FANCB: variants seen among roughly 807,000 people sequenced by gnomAD.
FANCB encodes FA complementation group B.
A neutral mutation model predicts 38.9 loss-of-function variants in FANCB; 5 were observed. The observed-to-expected ratio is 0.13, with a 90% CI of 0.07 to 0.27. The LOEUF (loss-of-function observed/expected upper bound fraction) is 0.27, where lower values mean the gene tolerates loss of function less well. Ranked by LOEUF, FANCB falls within the 10% of genes least tolerant of loss-of-function variation. FANCB has a pLI of 1.00. For missense variants in FANCB, 573 were observed against 602.7 expected (o/e 0.95, Z 0.52); for synonymous variants, 236 against 215.4 (o/e 1.10, Z -0.84).
the FANCB span, among the ~76,000 whole-genome samples, chrX:14,732,116 T>C: frequency 8.8e-4 from 97 of 110,694 alleles, no homozygotes; most frequent in African/African-American, 3.0e-3. Context: ...CTCCCACTTA[T>C]GAGTGAGAAC....
downstream of FANCB, chrX:14,835,038 G>C (rs1189254021): frequency 2.6e-5 from 15 of 581,043 alleles, no homozygotes; most frequent in Non-Finnish European, 4.5e-5. Flanking sequence ...CGCTGGTGGT[G>C]TTATTTCAAA....
At chrX:14,737,704 A>C in the FANCB span, among the ~76,000 whole-genome samples, 1 of 112,673 alleles carries the variant, frequency 8.9e-6, no homozygotes, top group Non-Finnish European at 1.9e-5. Flanking sequence ...AATTATTGTT[A>C]TGAATAGCAT....
chrX:14,771,374 C>G, the FANCB span, among the ~76,000 whole-genome samples: 8 of 111,230 alleles, frequency 7.2e-5, no homozygotes, highest in African/African-American at 2.6e-4. Context: ...TGTCTTATTT[C>G]AGACAGAGCA....
the FANCB span, among the ~76,000 whole-genome samples, chrX:14,759,029 C>T: frequency 1.8e-5 from 2 of 111,134 alleles, no homozygotes; most frequent in Admixed American, 9.5e-5. Context: ...AAAAAACAAT[C>T]GCAACTTCTG....
the FANCB span, among the ~76,000 whole-genome samples, chrX:14,692,461 A>G: frequency 2.7e-5 from 3 of 112,131 alleles, no homozygotes; most frequent in Non-Finnish European, 5.6e-5. Context: ...TCTATTGGTC[A>G]GTGGATGGTT....
the FANCB span, among the ~76,000 whole-genome samples, chrX:14,777,805 C>A: frequency 8.9e-6 from 1 of 112,329 alleles, no homozygotes; most frequent in Admixed American, 9.4e-5. Flanking sequence ...AGGAAACAAT[C>A]AATCACTACC....
chrX:14,808,023 A>C, the FANCB span, among the ~76,000 whole-genome samples: 1 of 111,966 alleles, frequency 8.9e-6, no homozygotes, highest in Non-Finnish European at 1.9e-5. Context: ...ACCAGGAAGA[A>C]ATCCAAAACT....
chrX:14,747,116 T>A, the FANCB span, among the ~76,000 whole-genome samples: 2 of 112,114 alleles, frequency 1.8e-5, no homozygotes, highest in East Asian at 5.6e-4. Flanking sequence ...CCTCTTTCCT[T>A]TTTCTTGGGA....
Position 14,850,672 on chromosome X carries a change from C to T in FANCB, c.1329G>A (p.Lys443=). 8.8e-7 allele frequency: 1 copy of T among 1,132,312 alleles called. No homozygotes were observed. The highest frequency in any genetic ancestry group is 1.2e-6 in the Non-Finnish European group (1 of 831,155). 93.3% of individuals were successfully genotyped at this position (1,132,312 alleles called of 1,213,427 possible). Residue 443 remains lysine (K), a splice_region_variant and synonymous_variant, in exon 7 of 10, where the codon AAG becomes AAA. Coordinates refer to ENST00000650831, the MANE Select transcript of FANCB (RefSeq NM_001018113.3). ...CACCACAAAGAGGAACAAGACATTC[C>T]TTCTAAAAAAAAAAGTTTAAATAAC... is the stretch of plus-strand genomic sequence containing the variant. ...KDDNTSSAEE[K]ECLVPLCGEE... is the part of the protein sequence containing the mutation.
chrX:14,813,322 T>G, the FANCB span, among the ~76,000 whole-genome samples: 1 of 105,568 alleles, frequency 9.5e-6, no homozygotes, highest in Non-Finnish European at 1.9e-5. Flanking sequence ...CCAGGGCAAT[T>G]AGGCAGGAGA....
the FANCB span, among the ~76,000 whole-genome samples, chrX:14,814,146 C>G: frequency 9.0e-6 from 1 of 111,420 alleles, no homozygotes; most frequent in Non-Finnish European, 1.9e-5. Flanking sequence ...AACTGGATCC[C>G]TTCCTTACAC....
At chrX:14,839,392 G>A (rs987076815), downstream of FANCB, among the ~76,000 whole-genome samples, 4 of 111,368 alleles carry the variant, frequency 3.6e-5, no homozygotes, top group Non-Finnish European at 7.5e-5. Flanking sequence ...ACACTAGACA[G>A]ATATGGCCCT....
chrX:14,826,074 A>G, the FANCB span, among the ~76,000 whole-genome samples: 1 of 112,300 alleles, frequency 8.9e-6, no homozygotes, highest in African/African-American at 3.2e-5. Flanking sequence ...ATGTGTTTTA[A>G]GTAGAGCTCC....
the FANCB span, among the ~76,000 whole-genome samples, chrX:14,740,200 A>G: frequency 8.9e-6 from 1 of 111,955 alleles, no homozygotes; most frequent in South Asian, 3.8e-4. Context: ...TTGAGGAGAA[A>G]TATTTAGGGG....
chrX:14,759,917 A>G, the FANCB span, among the ~76,000 whole-genome samples: 2 of 112,007 alleles, frequency 1.8e-5, no homozygotes, highest in African/African-American at 6.5e-5. Context: ...TAAGCTTCAT[A>G]AGCCAAGGAG....
the FANCB span, among the ~76,000 whole-genome samples, chrX:14,763,933 T>C: frequency 9.0e-6 from 1 of 111,573 alleles, no homozygotes; most frequent in Non-Finnish European, 1.9e-5. Context: ...CAACTTTTAA[T>C]AGGGGGCATG....
rs769518922 is a variant in FANCB at position 14,850,206 on chromosome X, C to T, written c.1496+299G>A. Among the ~76,000 whole-genome samples the T allele has an allele frequency of 4.5e-5, 5 of 110,806 alleles. No homozygotes were observed. In the South Asian group the frequency reaches 1.9e-3, roughly 42 times the overall value. On this transcript the variant is annotated intron_variant, in intron 7 of 9. Coordinates refer to ENST00000650831, the MANE Select transcript of FANCB (RefSeq NM_001018113.3). ...GTCTACTAAAAATACAAAAACTAGC[C>T]GGGCATGATGGTGCGTGCCTGTAAT... is the stretch of plus-strand genomic sequence containing the variant.
At chrX:14,835,337 ACTTAG>A (rs1331276398), downstream of FANCB, 4 of 460,821 alleles carry the variant, frequency 8.7e-6, no homozygotes, top group African/African-American at 9.6e-5. Context: ...GGCTACATGC[ACTTAG>A]GTGGGAGAGA....
the FANCB span, among the ~76,000 whole-genome samples, chrX:14,725,309 C>T: frequency 8.9e-6 from 1 of 111,830 alleles, no homozygotes; most frequent in Non-Finnish European, 1.9e-5. Context: ...CCTCTTATAT[C>T]CAGGTCTGTG....
Sources: gnomAD v4.1 joint callset for allele counts (sites outside exome capture counted in the v4.1 genomes callset) on GRCh38, gnomAD v4.1.1 for gene constraint, MANE v1.5 for transcripts, NCBI Gene and HGNC (gene_info 2026-07-23, HGNC 2026-07-21) for gene names.